The following SORBS2 variants were observed in gnomAD, a reference collection of about 807,000 sequenced individuals.
SORBS2 encodes the protein sorbin and SH3 domain containing 2.
SORBS2 carries 46 observed loss-of-function variants against 97.7 expected under a neutral mutation model. That is an observed-to-expected ratio of 0.47 (90% CI 0.37 to 0.60). The LOEUF is 0.60. Ranked by LOEUF, SORBS2 falls within the 20% of genes least tolerant of loss-of-function variation. The pLI is 0.00. For missense variants in SORBS2, 1,316 were observed against 1,282.3 expected (o/e 1.03, Z -0.40); for synonymous variants, 476 against 473.4 (o/e 1.01, Z -0.07).
At chr4:185,855,838 A>G (rs1299767193) in intron 1 of SORBS2, among the ~76,000 whole-genome samples, 1 of 152,184 alleles carries the variant, frequency 6.6e-6, no homozygotes, top group Non-Finnish European at 1.5e-5. Flanking sequence ...TAGCATGAAG[A>G]TGCCATGTTC....
At chr4:185,884,785 T>C (rs2099238560) in intron 1 of SORBS2, among the ~76,000 whole-genome samples, 1 of 152,242 alleles carries the variant, frequency 6.6e-6, no homozygotes, top group Non-Finnish European at 1.5e-5. Flanking sequence ...ATTCCCGGAA[T>C]GCTCAGACAG....
chr4:185,717,313 C>G (rs2098473985), intron 2 of SORBS2, among the ~76,000 whole-genome samples: 1 of 151,456 alleles, frequency 6.6e-6, no homozygotes, highest in African/African-American at 2.5e-5. Flanking sequence ...GCAGTGATTG[C>G]TGGACATAAT....
chr4:185,622,802 C>T (rs1354825109), intron 7 of SORBS2, 112 bp downstream of exon 19: 1 of 1,109,280 alleles, frequency 9.0e-7, no homozygotes, highest in Non-Finnish European at 1.3e-6. Context: ...CAACACATAA[C>T]GACGCCAAAT....
At chr4:185,858,865 GC>G (rs773785532) in intron 1 of SORBS2, among the ~76,000 whole-genome samples, 10 of 152,136 alleles carry the variant, frequency 6.6e-5, no homozygotes, top group Non-Finnish European at 1.5e-4. Flanking sequence ...TGCAGTAAAA[GC>G]AAAATCAGGC....
chr4:185,809,455 C>CA (rs55713465), intron 1 of SORBS2, among the ~76,000 whole-genome samples: 669 of 47,256 alleles, frequency 0.014, 188 homozygotes, highest in African/African-American at 0.03. Context: ...ACTGCATTTG[C>CA]AAAAAAAAAA....
At chr4:185,804,889 G>GT (rs536078254) in intron 1 of SORBS2, among the ~76,000 whole-genome samples, 34 of 152,062 alleles carry the variant, frequency 2.2e-4, no homozygotes, top group African/African-American at 7.9e-4. Context: ...ACTTGAAAAG[G>GT]TCTTCCCAGA....
chr4:185,639,100 C>G (rs2097083255), intron 4 of SORBS2, 65 bp from the exon 14 acceptor site: 8 of 1,401,642 alleles, frequency 5.7e-6, no homozygotes, highest in Non-Finnish European at 7.6e-6. Context: ...ACCGCGAGGA[C>G]ACCCTGGCAG....
chr4:185,889,025 C>CG (rs951970897), intron 1 of SORBS2, among the ~76,000 whole-genome samples: 2 of 152,208 alleles, frequency 1.3e-5, no homozygotes, highest in African/African-American at 4.8e-5. Context: ...GTGAGGCGAT[C>CG]GGGGCTGAGT....
At chr4:185,876,060 G>C (rs2099233456) in intron 1 of SORBS2, among the ~76,000 whole-genome samples, 1 of 152,090 alleles carries the variant, frequency 6.6e-6, no homozygotes, top group South Asian at 2.1e-4. Context: ...CGAGTGTAAA[G>C]TACTTCTCTA....
intron 2 of SORBS2, among the ~76,000 whole-genome samples, chr4:185,696,434 C>T (rs2098175815): frequency 6.6e-6 from 1 of 152,090 alleles, no homozygotes; most frequent in Non-Finnish European, 1.5e-5. Flanking sequence ...GGTCATGTGA[C>T]TTAACATTGG....
chr4:185,943,857 C>T (rs1435142304), intron 1 of SORBS2, among the ~76,000 whole-genome samples: 1 of 152,100 alleles, frequency 6.6e-6, no homozygotes, highest in African/African-American at 2.4e-5. Context: ...CGTCATGATG[C>T]CTACAATTTA....
rs1193290290 is a variant in SORBS2, at chr4:185,684,598, A to G, written c.-197-5776T>C. Among the ~76,000 whole-genome samples, 2 of 152,210 alleles carry G rather than the reference A, an allele frequency of 1.3e-5. No homozygotes were observed. The highest frequency in any genetic ancestry group is 2.9e-5 in the Non-Finnish European group (2 of 68,040). ...AGTTATTAACACTCGCAGTTACTCA[A>G]CCTATTTTTGGCAAGTGACTGCTGT... On this transcript the variant is annotated intron_variant, in intron 2 of 20. Coordinates refer to the SORBS2 transcript ENST00000284776. The surrounding 1 kb of genome is among the most constrained non-coding windows in gnomAD (Gnocchi z 4.2).
At chr4:185,874,940 G>T (rs190014233) in intron 1 of SORBS2, among the ~76,000 whole-genome samples, 1 of 149,168 alleles carries the variant, frequency 6.7e-6, no homozygotes. Flanking sequence ...TTAAAAATCC[G>T]GACTCTTTTT....
At chr4:185,831,874 G>A (rs923014093) in intron 1 of SORBS2, among the ~76,000 whole-genome samples, 1 of 152,166 alleles carries the variant, frequency 6.6e-6, no homozygotes, top group African/African-American at 2.4e-5. Context: ...CCTCAATGCT[G>A]TCATCTCTAA....
chr4:185,694,880 T>C (rs922704113), intron 2 of SORBS2, among the ~76,000 whole-genome samples: 1 of 151,908 alleles, frequency 6.6e-6, no homozygotes, highest in Non-Finnish European at 1.5e-5. Context: ...CTAATTTTTG[T>C]ATTTTTAGTA....
chr4:185,744,469 C>A (rs1373998321), intron 2 of SORBS2, among the ~76,000 whole-genome samples: 1 of 152,152 alleles, frequency 6.6e-6, no homozygotes, highest in Non-Finnish European at 1.5e-5. Context: ...CATCACGAAA[C>A]GAGATCTATG....
intron 11 of SORBS2, 192 bp downstream of exon 23, chr4:185,614,639 A>T (rs569823522): frequency 1.6e-6 from 1 of 641,556 alleles, no homozygotes; most frequent in East Asian, 3.0e-5. Flanking sequence ...GAACTCCTCT[A>T]AAAGGACACA....
At chr4:185,906,440 A>T (rs2099250868) in intron 1 of SORBS2, among the ~76,000 whole-genome samples, 1 of 152,022 alleles carries the variant, frequency 6.6e-6, no homozygotes, top group Non-Finnish European at 1.5e-5. Flanking sequence ...TTTTAAATAA[A>T]CCCTCTCTAC....
At chr4:185,854,356 ATCT>A (rs951309133) in intron 1 of SORBS2, among the ~76,000 whole-genome samples, 47 of 152,326 alleles carry the variant, frequency 3.1e-4, no homozygotes, top group African/African-American at 9.9e-4. Context: ...TCTTCACCAC[ATCT>A]TCTTCTTGAG....
Sources: allele counts gnomAD v4.1 joint callset (sites outside exome capture counted in the v4.1 genomes callset), GRCh38; gene constraint gnomAD v4.1.1; non-coding constraint Gnocchi (gnomAD v3.1); transcripts MANE v1.5; gene names NCBI Gene and HGNC (gene_info 2026-07-23, HGNC 2026-07-21).